The following GREM2 variants were observed in gnomAD, a reference collection of about 807,000 sequenced individuals.
GREM2 encodes gremlin 2, DAN family BMP antagonist, also known as gremlin-2.
GREM2 carries 11 observed loss-of-function variants against 14.2 expected under a neutral mutation model. The ratio of observed to expected loss-of-function variants is 0.78; its 90% CI spans 0.49 to 1.28. The LOEUF (loss-of-function observed/expected upper bound fraction) is 1.28, where lower values mean the gene tolerates loss of function less well. Among genes scored for constraint, GREM2 ranks in the 50% most tolerant of loss-of-function variants. The pLI is 0.00. For synonymous variants in GREM2, 98 were observed against 97.6 expected (o/e 1.00, Z -0.02); for missense variants, 210 against 218.5 (o/e 0.96, Z 0.24).
At chr1:240,582,756 A>C (rs10802892) in intron 1 of GREM2, among the ~76,000 whole-genome samples, 48,643 of 150,870 alleles carry the variant, frequency 0.32, 9,847 homozygotes, top group African/African-American at 0.57. Context: ...AAGATCACAC[A>C]ATTGCACTCC....
rs746431512 is a variant in GREM2, at chr1:240,493,079, C to G, written c.397G>C (p.Val133Leu). 5.6e-6 allele frequency: 9 copies of G among 1,613,392 alleles called. No homozygotes were observed. In the South Asian group the frequency reaches 8.8e-5, roughly 16 times the overall value. Residue 133 changes from valine to leucine, a missense_variant, in exon 2 of 2, where the codon GTG becomes CTG. Physicochemically the swap from Val to Leu is conservative, Grantham distance 32. Transcript: ENST00000318160. Reference sequence around the variant, plus strand: ...TCCAGGCCGGGGCACTCGAGCTCCACGAGGACGGAGGTGACGCGCTGGGGC... The same window carrying G: ...TCCAGGCCGGGGCACTCGAGCTCCAGGAGGACGGAGGTGACGCGCTGGGGC... ...CKPQRVTSVLVELECPGLDPP... is the reference protein window; with the variant it reads ...CKPQRVTSVLLELECPGLDPP...
At chr1:240,582,185 C>A (rs1048119443) in intron 1 of GREM2, among the ~76,000 whole-genome samples, 1 of 152,226 alleles carries the variant, frequency 6.6e-6, no homozygotes, top group African/African-American at 2.4e-5. Flanking sequence ...TGCCTGTAAT[C>A]CCAGCACTTT....
intron 1 of GREM2, among the ~76,000 whole-genome samples, chr1:240,497,804 A>G (rs186850064): frequency 1.3e-5 from 2 of 152,294 alleles, no homozygotes; most frequent in Admixed American, 1.3e-4. Flanking sequence ...CCAAGTGTCA[A>G]GTATTGGACT....
intron 1 of GREM2, among the ~76,000 whole-genome samples, chr1:240,584,161 T>C (rs1026572893): frequency 3.3e-5 from 5 of 151,590 alleles, no homozygotes; most frequent in African/African-American, 7.3e-5. Context: ...ATGAAAACAA[T>C]AAGCCTGGGC....
intron 1 of GREM2, among the ~76,000 whole-genome samples, chr1:240,529,423 G>T (rs1678305098): frequency 6.6e-6 from 1 of 152,038 alleles, no homozygotes; most frequent in Admixed American, 6.6e-5. Flanking sequence ...GTCTTCCCAT[G>T]TTGTCATTCT....
chr1:240,595,833 G>C (rs1679810547), intron 1 of GREM2, among the ~76,000 whole-genome samples: 1 of 152,172 alleles, frequency 6.6e-6, no homozygotes, highest in Non-Finnish European at 1.5e-5. Flanking sequence ...AATGTGTCCA[G>C]GTCTTAGTCT....
intron 1 of GREM2, among the ~76,000 whole-genome samples, chr1:240,592,445 C>CT (rs1372246083): frequency 1.3e-5 from 2 of 152,034 alleles, no homozygotes; most frequent in South Asian, 2.1e-4. Context: ...TAAAATGGTC[C>CT]TTTTTAGTTA....
intron 1 of GREM2, among the ~76,000 whole-genome samples, chr1:240,534,542 A>C (rs370887080): frequency 1.3e-5 from 2 of 152,018 alleles, no homozygotes; most frequent in African/African-American, 4.8e-5. Flanking sequence ...ACAAAAAAAA[A>C]TTAGCTGGGC....
chr1:240,518,352 T>C (rs906515351), intron 1 of GREM2, among the ~76,000 whole-genome samples: 1 of 152,204 alleles, frequency 6.6e-6, no homozygotes, highest in African/African-American at 2.4e-5. Flanking sequence ...AATTGCCGTT[T>C]TGAAATATTA....
At chr1:240,506,270 G>A (rs1677674644) in intron 1 of GREM2, among the ~76,000 whole-genome samples, 1 of 152,072 alleles carries the variant, frequency 6.6e-6, no homozygotes, top group Non-Finnish European at 1.5e-5. Flanking sequence ...TCCTCTCCTA[G>A]TCACTCACTC....
At chr1:240,568,378 A>T (rs1679203461) in intron 1 of GREM2, among the ~76,000 whole-genome samples, 1 of 152,188 alleles carries the variant, frequency 6.6e-6, no homozygotes, top group South Asian at 2.1e-4. Context: ...ATTCATAAAA[A>T]ATTTATCAAT....
chr1:240,513,229 A>G (rs1677873817), intron 1 of GREM2, among the ~76,000 whole-genome samples: 1 of 152,130 alleles, frequency 6.6e-6, no homozygotes, highest in Admixed American at 6.5e-5. Flanking sequence ...GTGAGGAGAG[A>G]GAAGAGCTAG....
chr1:240,525,627 C>T (rs1382101548), intron 1 of GREM2, among the ~76,000 whole-genome samples: 1 of 151,992 alleles, frequency 6.6e-6, no homozygotes, highest in Admixed American at 6.6e-5. Context: ...TCCAGGTGTG[C>T]ACCACCACAC....
Position 240,514,965 on chromosome 1 carries a change from C to CA in GREM2, c.-1-21490dup, listed in dbSNP as rs10710781. On this transcript the variant is annotated intron_variant, in intron 1 of 1. Transcript: ENST00000318160. Reference sequence around the variant, plus strand: ...CAAACAACAAACAAACAAACAAACACAAAAAAAAAACTGAACAAAACAAAA... The same window carrying CA: ...CAAACAACAAACAAACAAACAAACACAAAAAAAAAAACTGAACAAAACAAAA... 1.7e-4 allele frequency among the ~76,000 whole-genome samples: 25 copies of CA among 150,994 alleles called. No individual in the cohort carries two copies. In the Middle Eastern group the frequency reaches 0.01, roughly 62 times the overall value.
chr1:240,531,131 C>T (rs1678349368), intron 1 of GREM2, among the ~76,000 whole-genome samples: 1 of 152,156 alleles, frequency 6.6e-6, no homozygotes, highest in African/African-American at 2.4e-5. Context: ...ACTCCCTTAA[C>T]CAAGGAAGAC....
At chr1:240,494,900 C>T (rs1161543558) in intron 1 of GREM2, among the ~76,000 whole-genome samples, 2 of 150,752 alleles carry the variant, frequency 1.3e-5, no homozygotes, top group African/African-American at 4.9e-5. Flanking sequence ...GACTCCGGCT[C>T]AGAAAAAAAA....
rs187556016 is a variant in GREM2, at chr1:240,521,367, G to A, written c.-1-27891C>T. Among the ~76,000 whole-genome samples the A allele has an allele frequency of 5.7e-4, 87 of 152,202 alleles. No individual in the cohort carries two copies. The East Asian group carries it at 0.012, about 22-fold the overall frequency. On this transcript the variant is annotated intron_variant, in intron 1 of 1. Coordinates refer to ENST00000318160, the MANE Select transcript of GREM2 (RefSeq NM_022469.4). ...GCGGATCACGAGGTCAGGAGATCGA[G>A]ACCATCCTGGCTAACACGGTGAAAC...
chr1:240,531,980 A>G (rs760363254), intron 1 of GREM2, among the ~76,000 whole-genome samples: 2 of 152,178 alleles, frequency 1.3e-5, no homozygotes, highest in Non-Finnish European at 2.9e-5. Flanking sequence ...AAGACAAGAA[A>G]CAATTAGCCT....
intron 1 of GREM2, among the ~76,000 whole-genome samples, chr1:240,555,024 A>T (rs995443997): frequency 6.6e-6 from 1 of 152,126 alleles, no homozygotes; most frequent in African/African-American, 2.4e-5. Flanking sequence ...AGATGCCTGT[A>T]ATCCCAGCTA....
Sources: allele counts gnomAD v4.1 joint callset (sites outside exome capture counted in the v4.1 genomes callset), GRCh38; gene constraint gnomAD v4.1.1; transcripts MANE v1.5; gene names NCBI Gene and HGNC (gene_info 2026-07-23, HGNC 2026-07-21).